Variants in SEPTIN11 observed in about 807,000 individuals in gnomAD.
The protein encoded by SEPTIN11 is septin-11.
SEPTIN11 carries 25 observed loss-of-function variants against 51.4 expected under a neutral mutation model. The ratio of observed to expected loss-of-function variants is 0.49; its 90% CI spans 0.35 to 0.68. SEPTIN11 has a LOEUF of 0.68. Among genes scored for constraint, SEPTIN11 ranks in the 30% least tolerant of loss-of-function variants. The probability of loss-of-function intolerance (pLI) is 0.00; values close to 1 mark genes in which losing one functional copy is unlikely to be tolerated. For synonymous variants in SEPTIN11, 174 were observed against 184.1 expected (o/e 0.95, Z 0.44); for missense variants, 381 against 520.8 (o/e 0.73, Z 2.61).
At position 77,020,491 on chromosome 4, in the gene SEPTIN11, C is replaced by G. The variant is rs774503832; in HGVS notation, c.785-11C>G. 6.2e-7 allele frequency: 1 copy of G among 1,612,884 alleles called. No individual in the cohort carries two copies. Among genetic ancestry groups the G allele is most frequent in the Non-Finnish European group, 8.5e-7 (1 of 1,179,382 alleles). Reference sequence around the variant, plus strand: ...TAATCCCACTTCCGCCATTTCCCCCCTCTCTTGTAGTTGAGAATGAAAATC... The same window carrying G: ...TAATCCCACTTCCGCCATTTCCCCCGTCTCTTGTAGTTGAGAATGAAAATC... On this transcript the variant is annotated splice_polypyrimidine_tract_variant and intron_variant, in intron 6 of 9. Coordinates refer to ENST00000264893, the MANE Select transcript of SEPTIN11 (RefSeq NM_018243.4).
intron 5 of SEPTIN11, among the ~76,000 whole-genome samples, chr4:77,016,463 AAAC>A (rs1279597940): frequency 2.7e-5 from 4 of 147,904 alleles, no homozygotes; most frequent in African/African-American, 9.9e-5. Flanking sequence ...GCAACAATAA[AAAC>A]AATAATACAA....
intron 1 of SEPTIN11, among the ~76,000 whole-genome samples, chr4:76,972,094 A>G (rs190067431): frequency 7.9e-5 from 12 of 152,320 alleles, no homozygotes; most frequent in Admixed American, 7.8e-4. Context: ...ATTTCTCTGC[A>G]AATAACGTAT....
chr4:76,995,646 C>T (rs1436350340), intron 1 of SEPTIN11: 1 of 634,002 alleles, frequency 1.6e-6, no homozygotes, highest in East Asian at 3.1e-5. Flanking sequence ...TCTCCAACAC[C>T]CACGGGATGC....
At chr4:77,005,534 T>C (rs557651062) in intron 2 of SEPTIN11, 67 bp from the exon 3 acceptor site, 2 of 1,362,192 alleles carry the variant, frequency 1.5e-6, no homozygotes, top group South Asian at 2.8e-5. Context: ...TAAAAAATAC[T>C]GATGAATTGA....
chr4:76,995,961 T>G (rs1202287358), intron 1 of SEPTIN11: 1 of 1,533,654 alleles, frequency 6.5e-7, no homozygotes, highest in Non-Finnish European at 8.7e-7. Context: ...TTGTCATCAT[T>G]GTAAGGAGTA....
At chr4:76,973,525 A>C (rs1029355846) in intron 1 of SEPTIN11, among the ~76,000 whole-genome samples, 1 of 152,208 alleles carries the variant, frequency 6.6e-6, no homozygotes, top group South Asian at 2.1e-4. Context: ...TCAGCTCTCC[A>C]CACAGCTCAG....
intron 1 of SEPTIN11, among the ~76,000 whole-genome samples, chr4:76,993,351 A>T (rs1297010702): frequency 6.6e-6 from 1 of 152,156 alleles, no homozygotes; most frequent in Non-Finnish European, 1.5e-5. Flanking sequence ...TGCCAAGCAG[A>T]GTTCAATATT....
intron 7 of SEPTIN11, among the ~76,000 whole-genome samples, chr4:77,027,601 A>G (rs961193006): frequency 1.3e-5 from 2 of 152,246 alleles, no homozygotes; most frequent in Admixed American, 1.3e-4. Flanking sequence ...CAGAGTGGCT[A>G]TCCAGTTTGT....
chr4:76,995,430 G>T (rs951113839), intron 1 of SEPTIN11, among the ~76,000 whole-genome samples: 12 of 151,596 alleles, frequency 7.9e-5, no homozygotes, highest in African/African-American at 2.9e-4. Flanking sequence ...AATAAAAATG[G>T]AGCTTTGAGG....
In SEPTIN11 at chr4:77,011,765, C is replaced by T. The variant is rs1724880077; in HGVS notation, c.369C>T (p.Ala123=). 2 of 1,614,032 alleles carry T rather than the reference C, an allele frequency of 1.2e-6. No homozygotes were observed. The highest frequency in any genetic ancestry group is 2.2e-5 in the East Asian group (1 of 44,868). Residue 123 remains alanine (A), a synonymous_variant, in exon 4 of 10, where the codon GCC becomes GCT. Coordinates refer to ENST00000264893, the MANE Select transcript of SEPTIN11 (RefSeq NM_018243.4). ...AGCCGATAGTAGAATATATTGATGC[C>T]CAGTTCGAGGCCTACCTGCAAGAGG... is the stretch of plus-strand genomic sequence containing the variant. The part of the protein sequence containing the change: ...SYKPIVEYID[A]QFEAYLQEEL...
chr4:76,993,278 A>G (rs145975973), intron 1 of SEPTIN11, among the ~76,000 whole-genome samples: 1 of 152,254 alleles, frequency 6.6e-6, no homozygotes, highest in African/African-American at 2.4e-5. Flanking sequence ...ATGAACATCA[A>G]GTTTGAAGTA....
At chr4:76,993,905 G>A (rs1106452) in intron 1 of SEPTIN11, among the ~76,000 whole-genome samples, 78,847 of 151,514 alleles carry the variant, frequency 0.52, 21,380 homozygotes, top group Middle Eastern at 0.62. Context: ...GGCTTCTCGT[G>A]TTTTGGAAAC....
chr4:77,025,615 T>C (rs956112619), intron 7 of SEPTIN11, among the ~76,000 whole-genome samples: 3 of 151,830 alleles, frequency 2.0e-5, no homozygotes, highest in Non-Finnish European at 4.4e-5. Flanking sequence ...TCTGAACTGG[T>C]CTTCAATGAC....
At chr4:76,950,572 C>T (rs1306143837) in intron 1 of SEPTIN11, among the ~76,000 whole-genome samples, 3 of 152,096 alleles carry the variant, frequency 2.0e-5, no homozygotes, top group Non-Finnish European at 4.4e-5. Flanking sequence ...GCTGAAAGGC[C>T]GGGGGCGGCG....
At chr4:77,023,138 A>T (rs1486837453) in intron 7 of SEPTIN11, among the ~76,000 whole-genome samples, 11 of 152,052 alleles carry the variant, frequency 7.2e-5, no homozygotes, top group Non-Finnish European at 1.5e-4. Context: ...CAGGGGCTTC[A>T]GGATTGGTGA....
intron 1 of SEPTIN11, among the ~76,000 whole-genome samples, chr4:76,980,115 G>A (rs776597323): frequency 6.6e-6 from 1 of 152,104 alleles, no homozygotes; most frequent in Non-Finnish European, 1.5e-5. Context: ...AAGTGGTAGA[G>A]CCTGTTGCCT....
intron 1 of SEPTIN11, among the ~76,000 whole-genome samples, chr4:76,975,266 C>T (rs1019874122): frequency 6.6e-5 from 10 of 152,032 alleles, no homozygotes; most frequent in Non-Finnish European, 1.5e-4. Flanking sequence ...CAACATAGAA[C>T]GTGGTTGGAA....
At chr4:77,028,076 C>A (rs1726308775) in intron 7 of SEPTIN11, among the ~76,000 whole-genome samples, 1 of 152,070 alleles carries the variant, frequency 6.6e-6, no homozygotes, top group South Asian at 2.1e-4. Context: ...GGGAGGGTAC[C>A]ATTTACTGGG....
chr4:76,984,697 A>G lies in SEPTIN11; in HGVS notation c.28-11728A>G, dbSNP rs539318871. ...TTCGTCACTGTTTTGAAGATATTCC[A>G]TAGGATAAAGACAGGGCAGGAGGGA... On this transcript the variant is annotated intron_variant, in intron 1 of 9. Coordinates refer to ENST00000264893, the MANE Select transcript of SEPTIN11 (RefSeq NM_018243.4). The surrounding 1 kb of genome is among the most constrained non-coding windows in gnomAD (Gnocchi z 4.1). Among the ~76,000 whole-genome samples, 6 of 152,320 alleles carry G rather than the reference A, an allele frequency of 3.9e-5. No individual in the cohort carries two copies. In the East Asian group the frequency reaches 7.7e-4, roughly 20 times the overall value.
Sources: allele counts gnomAD v4.1 joint callset (sites outside exome capture counted in the v4.1 genomes callset), GRCh38; gene constraint gnomAD v4.1.1; non-coding constraint Gnocchi (gnomAD v3.1); transcripts MANE v1.5; gene names NCBI Gene and HGNC (gene_info 2026-07-23, HGNC 2026-07-21).